ATP2B2: variants seen among roughly 807,000 people sequenced by gnomAD.
ATP2B2 encodes the protein ATPase plasma membrane Ca2+ transporting 2.
In ATP2B2, 15 loss-of-function variants were observed where a neutral mutation model predicts 120.0. That is an observed-to-expected ratio of 0.12 (90% CI 0.08 to 0.19). The LOEUF (loss-of-function observed/expected upper bound fraction) is 0.19, where lower values mean the gene tolerates loss of function less well. Among genes scored for constraint, ATP2B2 ranks in the 10% least tolerant of loss-of-function variants. The pLI is 1.00. For synonymous variants in ATP2B2, 694 were observed against 700.3 expected, an observed-to-expected ratio of 0.99 and a Z score of 0.14; for missense variants, 1,045 against 1,719.8, an observed-to-expected ratio of 0.61 and a Z score of 6.94.
Position 10,397,926 on chromosome 3 carries a change from C to A in ATP2B2, c.781+3027G>T, listed in dbSNP as rs1005922438. Among the ~76,000 whole-genome samples the A allele has an allele frequency of 6.6e-5, 10 of 152,192 alleles. No homozygotes were observed. In the South Asian group the frequency reaches 1.7e-3, roughly 25 times the overall value. ...CCAATTATACTGCTTTCTATGGAGCCAGCTATGCCCCTTTATCACTTTCTC... is the reference window on the plus strand; with the variant it reads ...CCAATTATACTGCTTTCTATGGAGCAAGCTATGCCCCTTTATCACTTTCTC... On this transcript the variant is annotated intron_variant, in intron 5 of 22. Coordinates refer to ENST00000360273, the MANE Select transcript of ATP2B2 (RefSeq NM_001001331.4).
upstream of ATP2B2, among the ~76,000 whole-genome samples, chr3:10,509,718 C>T (rs925716714): frequency 2.0e-5 from 3 of 152,146 alleles, no homozygotes; most frequent in Non-Finnish European, 4.4e-5. Flanking sequence ...CTGGCTTGCC[C>T]GAAATCTCCT....
At chr3:10,569,004 A>G (rs2068068108) in intron 2 of ATP2B2, among the ~76,000 whole-genome samples, 1 of 152,240 alleles carries the variant, frequency 6.6e-6, no homozygotes, top group Non-Finnish European at 1.5e-5. Flanking sequence ...TGCTATATGC[A>G]GACTCTTCCC....
chr3:10,559,527 G>C (rs1439879679), intron 2 of ATP2B2, among the ~76,000 whole-genome samples: 1 of 149,364 alleles, frequency 6.7e-6, no homozygotes, highest in Non-Finnish European at 1.5e-5. Flanking sequence ...CCACTAAAAA[G>C]AAAAGGAAAA....
At chr3:10,651,862 G>A (rs1333403275) in intron 1 of ATP2B2, among the ~76,000 whole-genome samples, 1 of 152,200 alleles carries the variant, frequency 6.6e-6, no homozygotes, top group Non-Finnish European at 1.5e-5. Context: ...TCCATTGTGA[G>A]ATGCAGTTCT....
chr3:10,690,705 G>C (rs2071643431), intron 1 of ATP2B2, among the ~76,000 whole-genome samples: 1 of 152,180 alleles, frequency 6.6e-6, no homozygotes, highest in Non-Finnish European at 1.5e-5. Flanking sequence ...CACCAGGGCT[G>C]TGTGGAGAAG....
At chr3:10,542,218 A>C (rs1265363286) in intron 2 of ATP2B2, among the ~76,000 whole-genome samples, 2 of 152,100 alleles carry the variant, frequency 1.3e-5, no homozygotes, top group Non-Finnish European at 2.9e-5. Context: ...TTTGTCTTTG[A>C]ATTGGTGTAT....
At chr3:10,569,189 T>C (rs2068071914) in intron 2 of ATP2B2, among the ~76,000 whole-genome samples, 2 of 152,120 alleles carry the variant, frequency 1.3e-5, no homozygotes, top group African/African-American at 2.4e-5. Flanking sequence ...CCAAGAGAAA[T>C]AGGGAAAAAT....
At chr3:10,378,187 G>A (rs73814204) in intron 10 of ATP2B2, 65 bp downstream of exon 10, 1 of 1,576,964 alleles carries the variant, frequency 6.3e-7, no homozygotes, top group Non-Finnish European at 8.6e-7. Context: ...GCCGAGCATG[G>A]GGCAGGGCTC....
At chr3:10,384,705 C>T (rs1364124946) in intron 8 of ATP2B2, among the ~76,000 whole-genome samples, 1 of 152,192 alleles carries the variant, frequency 6.6e-6, no homozygotes, top group African/African-American at 2.4e-5. Context: ...GGCCCGAGCC[C>T]AAGCGAACCC....
At chr3:10,597,929 T>C (rs2068811362) in intron 2 of ATP2B2, among the ~76,000 whole-genome samples, 1 of 152,136 alleles carries the variant, frequency 6.6e-6, no homozygotes, top group South Asian at 2.1e-4. Context: ...GAAGATGACA[T>C]CATCTATTGG....
intron 1 of ATP2B2, among the ~76,000 whole-genome samples, chr3:10,634,836 C>T (rs759207641): frequency 2.0e-5 from 3 of 152,200 alleles, no homozygotes; most frequent in Non-Finnish European, 2.9e-5. Flanking sequence ...CATTAGCATG[C>T]GTGTCCTCTG....
rs529620607 is a variant in ATP2B2, at chr3:10,347,730, C to T, written c.2405-1593G>A. On this transcript the variant is annotated intron_variant, in intron 16 of 22. Transcript: ENST00000360273. The surrounding 1 kb of genome is among the most constrained non-coding windows in gnomAD (Gnocchi z 5.2). ...GACGGGTCAAATTTCTGCCCTGTGG[C>T]TCCCAGGTGGTGCGGACCGTTGCGT... is the stretch of plus-strand genomic sequence containing the variant. Among the ~76,000 whole-genome samples the T allele has an allele frequency of 4.6e-5, 7 of 152,334 alleles. No homozygotes were observed. Among genetic ancestry groups the T allele is most frequent in the African/African-American group, 1.7e-4 (7 of 41,578 alleles).
chr3:10,396,050 T>C lies in ATP2B2; in HGVS notation c.781+4903A>G, dbSNP rs143773095. Among the ~76,000 whole-genome samples the C allele has an allele frequency of 9.1e-4, 139 of 152,318 alleles. 1 individual carries two copies. Among genetic ancestry groups the C allele is most frequent in the African/African-American group, 3.2e-3 (133 of 41,580 alleles). ...GATGATTTCCTTGGTGCCCTGAGTG[T>C]TGAGGTCATTTGAGTCTTTCTGAAG... On this transcript the variant is annotated intron_variant, in intron 5 of 22. Coordinates refer to ENST00000360273, the MANE Select transcript of ATP2B2 (RefSeq NM_001001331.4).
chr3:10,563,910 G>T (rs1395151694), intron 2 of ATP2B2, among the ~76,000 whole-genome samples: 1 of 152,224 alleles, frequency 6.6e-6, no homozygotes, highest in Admixed American at 6.5e-5. Context: ...AGAACACACA[G>T]TGGAGCCAGG....
intron 1 of ATP2B2, among the ~76,000 whole-genome samples, chr3:10,632,387 C>A (rs1009957238): frequency 6.6e-6 from 1 of 152,156 alleles, no homozygotes; most frequent in African/African-American, 2.4e-5. Context: ...GAGTTTGCCA[C>A]CCCGGGGCAG....
At chr3:10,365,754 C>T (rs868607629) in intron 12 of ATP2B2, among the ~76,000 whole-genome samples, 10 of 1,738 alleles carry the variant, frequency 5.8e-3, no homozygotes, top group Admixed American at 0.011. Context: ...GTTTGTGTGG[C>T]AGGTGTGTTG....
At chr3:10,621,972 C>A (rs1046236297) in intron 1 of ATP2B2, among the ~76,000 whole-genome samples, 2 of 152,270 alleles carry the variant, frequency 1.3e-5, no homozygotes, top group African/African-American at 4.8e-5. Context: ...GCTGCACGGT[C>A]ATTGAGACAC....
rs905020348 is a variant in ATP2B2 at position 10,346,851 on chromosome 3, C to G, written c.2405-714G>C. ...AATTTGGGTATCAGCATCCATGGGTCTCTCATTCTGCACATTGAATGTATC... is the reference window on the plus strand; with the variant it reads ...AATTTGGGTATCAGCATCCATGGGTGTCTCATTCTGCACATTGAATGTATC... On this transcript the variant is annotated intron_variant, in intron 16 of 22. Coordinates refer to ENST00000360273, the MANE Select transcript of ATP2B2 (RefSeq NM_001001331.4). The surrounding 1 kb of genome is among the most constrained non-coding windows in gnomAD (Gnocchi z 4.1). Among the ~76,000 whole-genome samples, 5 of 152,100 alleles carry G rather than the reference C, an allele frequency of 3.3e-5. No individual in the cohort carries two copies. The highest frequency in any genetic ancestry group is 7.4e-5 in the Non-Finnish European group (5 of 68,008).
At chr3:10,578,813 G>A (rs1450425892) in intron 2 of ATP2B2, among the ~76,000 whole-genome samples, 2 of 152,134 alleles carry the variant, frequency 1.3e-5, no homozygotes, top group African/African-American at 2.4e-5. Context: ...GGCAGGAAGA[G>A]AACACACCAT....
Sources: gnomAD v4.1 joint callset for allele counts (sites outside exome capture counted in the v4.1 genomes callset) on GRCh38, gnomAD v4.1.1 for gene constraint, Gnocchi (gnomAD v3.1) non-coding constraint, MANE v1.5 for transcripts, NCBI Gene and HGNC (gene_info 2026-07-23, HGNC 2026-07-21) for gene names.